DNAH6: variants seen among roughly 807,000 people sequenced by gnomAD.
DNAH6 encodes the protein axonemal beta dynein heavy chain 6.
Under a neutral mutation model 491.4 loss-of-function variants are expected in DNAH6, and 340 were observed. The observed-to-expected ratio is 0.69, with a 90% confidence interval of 0.63 to 0.76. DNAH6 has a LOEUF of 0.76. DNAH6 is among the 30% of genes least tolerant of loss of function. The pLI is 0.00. For missense variants in DNAH6, 4,443 were observed against 4,972.2 expected, an observed-to-expected ratio of 0.89 and a Z score of 3.20; for synonymous variants, 1,603 against 1,686.1, an observed-to-expected ratio of 0.95 and a Z score of 1.21.
chr2:84,591,978 A>G (rs57772217), intron 16 of DNAH6, among the ~76,000 whole-genome samples: 2,171 of 152,332 alleles, frequency 0.014, 52 homozygotes, highest in African/African-American at 0.05. Flanking sequence ...AACTAAAACT[A>G]TAAAATTCCT....
intron 45 of DNAH6, among the ~76,000 whole-genome samples, chr2:84,693,939 C>T (rs1017234594): frequency 6.6e-6 from 1 of 152,146 alleles, no homozygotes; most frequent in African/African-American, 2.4e-5. Context: ...AAGTTGTGGC[C>T]TAGATCGGCT....
intron 33 of DNAH6, among the ~76,000 whole-genome samples, chr2:84,650,549 G>T (rs1022502036): frequency 6.8e-6 from 1 of 147,244 alleles, no homozygotes. Flanking sequence ...TTTCTATTGT[G>T]TTCATAATGG....
chr2:84,646,150 T>C (rs1026072790), intron 33 of DNAH6, among the ~76,000 whole-genome samples: 1 of 152,224 alleles, frequency 6.6e-6, no homozygotes, highest in African/African-American at 2.4e-5. Context: ...TTATTGTATC[T>C]GTTATGGTGA....
chr2:84,738,660 C>CT (rs1445578697), intron 62 of DNAH6, among the ~76,000 whole-genome samples: 1 of 151,840 alleles, frequency 6.6e-6, no homozygotes, highest in Non-Finnish European at 1.5e-5. Context: ...GTAACCCTTG[C>CT]TTTTTTTTGT....
chr2:84,489,095 A>T, the DNAH6 span, among the ~76,000 whole-genome samples: 1 of 152,170 alleles, frequency 6.6e-6, no homozygotes, highest in Admixed American at 6.5e-5. Flanking sequence ...GCCTCCCTAT[A>T]ACTTCAACAG....
chr2:84,547,089 A>G (rs958744972), intron 5 of DNAH6, among the ~76,000 whole-genome samples, 179 bp from the exon 6 acceptor site: 2 of 152,248 alleles, frequency 1.3e-5, no homozygotes, highest in Non-Finnish European at 2.9e-5. Context: ...TAATTCAAGG[A>G]GTACTTTTAG....
Position 84,604,543 on chromosome 2 carries a change from C to T in DNAH6, c.3073C>T (p.Leu1025Phe). 6.4e-7 allele frequency: 1 copy of T among 1,550,436 alleles called. No homozygotes were observed. The change falls in exon 19 of 77, where the codon CTT becomes TTT. Residue 1025 changes from leucine (L) to phenylalanine (F), a missense_variant. Leu to Phe is a conservative substitution (Grantham distance 22). Transcript: ENST00000389394. The part of the protein sequence containing the change: ...ASGEAALEAI[L>F]KKVEDSWKTT... Reference sequence around the variant, plus strand: ...TGGAGAAGCTGCCTTAGAAGCAATTCTTAAAAAGGTAAATCTGGAATATAT... The same window carrying T: ...TGGAGAAGCTGCCTTAGAAGCAATTTTTAAAAAGGTAAATCTGGAATATAT...
At chr2:84,660,066 A>T (rs1226816449) in intron 37 of DNAH6, among the ~76,000 whole-genome samples, 1 of 152,206 alleles carries the variant, frequency 6.6e-6, no homozygotes, top group African/African-American at 2.4e-5. Context: ...AGAACTAGAC[A>T]CAAAGACACC....
chr2:84,548,185 T>A, intron 7 of DNAH6, 103 bp from the exon 8 acceptor site: 6 of 1,292,468 alleles, frequency 4.6e-6, no homozygotes, highest in Non-Finnish European at 6.3e-6. Flanking sequence ...TACCAAAATA[T>A]TTTGTTGTTT....
intron 57 of DNAH6, 108 bp downstream of exon 57, chr2:84,713,367 C>A: frequency 9.2e-7 from 1 of 1,085,014 alleles, no homozygotes; most frequent in Non-Finnish European, 1.3e-6. Flanking sequence ...CCCCCATTCT[C>A]CCCTGTCTCC....
At chr2:84,521,798 T>G (rs2104415805) in intron 2 of DNAH6, among the ~76,000 whole-genome samples, 1 of 152,308 alleles carries the variant, frequency 6.6e-6, no homozygotes, top group East Asian at 1.9e-4. Context: ...TGCGGCCTTA[T>G]TTTTGGGCTC....
chr2:84,617,056 C>A, intron 23 of DNAH6, 74 bp downstream of exon 23: 3 of 802,498 alleles, frequency 3.7e-6, no homozygotes, highest in East Asian at 3.2e-5. Context: ...ATAATTATAA[C>A]CTCAAAGCAT....
intron 71 of DNAH6, among the ~76,000 whole-genome samples, chr2:84,806,568 G>A (rs943622792): frequency 1.5e-5 from 2 of 135,176 alleles, no homozygotes; most frequent in African/African-American, 2.9e-5. Context: ...GCAGTGAGCC[G>A]AGATCACACC....
chr2:84,655,491 G>A (rs895270508), intron 35 of DNAH6, among the ~76,000 whole-genome samples: 2 of 151,846 alleles, frequency 1.3e-5, no homozygotes, highest in African/African-American at 4.8e-5. Flanking sequence ...CTTCATCTCT[G>A]CCTCTCCCCC....
At chr2:84,791,954 G>A (rs954334023) in intron 68 of DNAH6, among the ~76,000 whole-genome samples, 1 of 152,034 alleles carries the variant, frequency 6.6e-6, no homozygotes, top group Non-Finnish European at 1.5e-5. Context: ...ATCATTCGTA[G>A]TAGCCAAAAT....
chr2:84,512,185 G>A (rs1390187935), upstream of DNAH6, among the ~76,000 whole-genome samples: 2 of 152,072 alleles, frequency 1.3e-5, no homozygotes, highest in Admixed American at 6.5e-5. Flanking sequence ...TCAATTTGGT[G>A]TGACTATAAT....
At chr2:84,557,575 G>A (rs573922921) in intron 10 of DNAH6, among the ~76,000 whole-genome samples, 160 bp from the exon 11 acceptor site, 137 of 145,690 alleles carry the variant, frequency 9.4e-4, no homozygotes, top group Middle Eastern at 7.0e-3. Flanking sequence ...GCGTGAACCC[G>A]GGAAGCGGAG....
the DNAH6 span, among the ~76,000 whole-genome samples, chr2:84,487,723 A>C: frequency 1.3e-5 from 2 of 152,324 alleles, no homozygotes; most frequent in African/African-American, 4.8e-5. Flanking sequence ...GCACAGCTTG[A>C]ATTTCACAAA....
chr2:84,631,530 T>C (rs1688393297), intron 29 of DNAH6, among the ~76,000 whole-genome samples: 1 of 152,344 alleles, frequency 6.6e-6, no homozygotes, highest in Admixed American at 6.5e-5. Flanking sequence ...ACTGGAATTC[T>C]ACAGGCCCTA....
Sources: allele counts gnomAD v4.1 joint callset (sites outside exome capture counted in the v4.1 genomes callset), GRCh38; gene constraint gnomAD v4.1.1; transcripts MANE v1.5; gene names NCBI Gene and HGNC (gene_info 2026-07-23, HGNC 2026-07-21).